LRP1B: variants seen among roughly 807,000 people sequenced by gnomAD.
LRP1B encodes the protein LDL receptor related protein 1B.
LRP1B carries 217 observed loss-of-function variants against 556.6 expected under a neutral mutation model. That is an observed-to-expected ratio of 0.39 (90% CI 0.35 to 0.44). The LOEUF (loss-of-function observed/expected upper bound fraction) is 0.44, where lower values mean the gene tolerates loss of function less well. Ranked by LOEUF, LRP1B falls within the 20% of genes least tolerant of loss-of-function variation. The pLI, the probability that LRP1B is intolerant of heterozygous loss-of-function variation, is 1.00. For synonymous variants in LRP1B, 2,047 were observed against 1,865.8 expected (o/e 1.10, Z -2.50); for missense variants, 5,053 against 5,620.8 (o/e 0.90, Z 3.23).
intron 57 of LRP1B, among the ~76,000 whole-genome samples, chr2:140,491,895 G>A (rs942747418): frequency 6.6e-6 from 1 of 152,146 alleles, no homozygotes; most frequent in African/African-American, 2.4e-5. Flanking sequence ...GGCTATTCAG[G>A]ATAAGGCGAG....
intron 1 of LRP1B, among the ~76,000 whole-genome samples, chr2:141,941,893 A>G (rs1028912179): frequency 6.6e-6 from 1 of 152,210 alleles, no homozygotes; most frequent in African/African-American, 2.4e-5. Flanking sequence ...GTACCGTATA[A>G]GATTCAGAGC....
intron 1 of LRP1B, among the ~76,000 whole-genome samples, chr2:142,129,584 TTC>T (rs56034357): frequency 0.042 from 5,626 of 134,414 alleles, 134 homozygotes; most frequent in South Asian, 0.049. Flanking sequence ...CTTTCTCTCT[TTC>T]TCTCTCTCTC....
chr2:141,323,631 C>T lies in LRP1B; in HGVS notation c.344-68990G>A, dbSNP rs193166064. The stretch of plus-strand genomic sequence containing the variant: ...AAATCCTTTTTTATCACTAAATTCA[C>T]GGGTCATTTATGTAGACTCAAGAGG... On this transcript the variant is annotated intron_variant, in intron 3 of 90. Transcript: ENST00000389484. 5.3e-5 allele frequency among the ~76,000 whole-genome samples: 8 copies of T among 152,032 alleles called. No individual in the cohort carries two copies. The East Asian group carries it at 5.8e-4, about 11-fold the overall frequency.
chr2:140,301,847 T>C (rs771158438), intron 83 of LRP1B, among the ~76,000 whole-genome samples: 2 of 151,786 alleles, frequency 1.3e-5, no homozygotes, highest in Non-Finnish European at 2.9e-5. Context: ...ATATGTATAC[T>C]AATATATGAA....
At chr2:141,494,857 G>A (rs946814343) in intron 2 of LRP1B, among the ~76,000 whole-genome samples, 4 of 148,322 alleles carry the variant, frequency 2.7e-5, no homozygotes, top group Non-Finnish European at 3.0e-5. Context: ...CACACACAGA[G>A]TTGTAGCATT....
chr2:142,059,035 T>C (rs919942091), intron 1 of LRP1B, among the ~76,000 whole-genome samples: 4 of 152,150 alleles, frequency 2.6e-5, no homozygotes, highest in African/African-American at 4.8e-5. Flanking sequence ...ATTTATTCTT[T>C]GGACTACTGC....
intron 3 of LRP1B, among the ~76,000 whole-genome samples, chr2:141,435,878 G>C (rs1680745929): frequency 6.6e-6 from 1 of 152,162 alleles, no homozygotes; most frequent in African/African-American, 2.4e-5. Flanking sequence ...CATGGGCCTG[G>C]GTGGGAGGAG....
At chr2:140,689,066 A>C (rs972791767) in intron 41 of LRP1B, among the ~76,000 whole-genome samples, 1 of 152,272 alleles carries the variant, frequency 6.6e-6, no homozygotes. Flanking sequence ...GAATTAAAAT[A>C]AAACATATTT....
intron 1 of LRP1B, among the ~76,000 whole-genome samples, chr2:141,865,977 C>G (rs1455366022): frequency 6.6e-6 from 1 of 152,144 alleles, no homozygotes; most frequent in Non-Finnish European, 1.5e-5. Context: ...CAAAACTTTC[C>G]CATTTTAGCT....
intron 3 of LRP1B, among the ~76,000 whole-genome samples, chr2:141,353,416 T>C (rs750542703): frequency 6.6e-6 from 1 of 152,016 alleles, no homozygotes; most frequent in Non-Finnish European, 1.5e-5. Context: ...TATCAAACTC[T>C]GAAATTCTGG....
chr2:140,494,850 T>C (rs1301101938), intron 56 of LRP1B, among the ~76,000 whole-genome samples: 1 of 151,736 alleles, frequency 6.6e-6, no homozygotes, highest in Non-Finnish European at 1.5e-5. Context: ...ACATCTATTA[T>C]ATAAGAAACT....
chr2:141,090,954 G>T (rs7563991), intron 7 of LRP1B, among the ~76,000 whole-genome samples: 55,058 of 151,616 alleles, frequency 0.36, 10,338 homozygotes, highest in East Asian at 0.67. Flanking sequence ...TATTTCTAGT[G>T]TTTTCAATTG....
chr2:141,018,052 A>C (rs1167938504), intron 12 of LRP1B, among the ~76,000 whole-genome samples: 1 of 151,952 alleles, frequency 6.6e-6, no homozygotes, highest in African/African-American at 2.4e-5. Flanking sequence ...AGTACCAAAC[A>C]ATGAGAATTC....
intron 2 of LRP1B, among the ~76,000 whole-genome samples, chr2:141,776,647 T>C (rs1333146371): frequency 1.3e-5 from 2 of 152,180 alleles, no homozygotes; most frequent in African/African-American, 2.4e-5. Flanking sequence ...TGTTTGAACT[T>C]TGGGCATCAG....
In LRP1B at chr2:141,822,130, C is replaced by CAGAGAGAGAGAGAGAG. The variant is rs1553469382; in HGVS notation, c.83-11745_83-11730dup. On this transcript the variant is annotated intron_variant, in intron 1 of 90. Transcript: ENST00000389484. ...ACACACACACACACACACACACACACAGAGAGAGAGAGAGAGAGAGAGAGA... is the reference window on the plus strand; with the variant it reads ...ACACACACACACACACACACACACACAGAGAGAGAGAGAGAGAGAGAGAGAGAGAGAGAGAGAGAGA... 2.1e-3 allele frequency among the ~76,000 whole-genome samples: 206 copies of CAGAGAGAGAGAGAGAG among 95,850 alleles called. 1 individual carries two copies. The highest frequency in any genetic ancestry group is 7.0e-3 in the African/African-American group (156 of 22,396). 62.9% of individuals were successfully genotyped at this position (95,850 alleles called of 152,430 possible). A position where few individuals can be genotyped will look rare whatever the true frequency, so the allele number is the denominator to read the frequency against.
intron 1 of LRP1B, among the ~76,000 whole-genome samples, chr2:141,940,904 T>C (rs1700777756): frequency 1.3e-5 from 2 of 152,180 alleles, no homozygotes; most frequent in Admixed American, 1.3e-4. Flanking sequence ...TGAAGTTACT[T>C]ACCCAACGTC....
At chr2:141,209,438 G>A (rs1168706847) in intron 6 of LRP1B, among the ~76,000 whole-genome samples, 1 of 152,172 alleles carries the variant, frequency 6.6e-6, no homozygotes, top group Non-Finnish European at 1.5e-5. Flanking sequence ...CGAGCTGTGA[G>A]TCAATTAAAT....
At position 141,475,416 on chromosome 2, in the gene LRP1B, A is replaced by T. The variant is rs141556273; in HGVS notation, c.343+4980T>A. On this transcript the variant is annotated intron_variant, in intron 3 of 90. Coordinates refer to ENST00000389484, the MANE Select transcript of LRP1B (RefSeq NM_018557.3). Reference sequence around the variant, plus strand: ...GCACTACAAATGTAATCTAACAGGGATGTGAATAAAAACAAGGCTTCTCTT... The same window carrying T: ...GCACTACAAATGTAATCTAACAGGGTTGTGAATAAAAACAAGGCTTCTCTT... Among the ~76,000 whole-genome samples, 11 of 152,274 alleles carry T rather than the reference A, an allele frequency of 7.2e-5. No homozygotes were observed. The East Asian group carries it at 1.9e-3, about 27-fold the overall frequency.
intron 15 of LRP1B, among the ~76,000 whole-genome samples, chr2:141,000,914 C>CCTATAT (rs60620211): frequency 0.99 from 149,925 of 151,720 alleles, 74,108 homozygotes; most frequent in Middle Eastern, 1. Context: ...CAATATCTTT[C>CCTATAT]CTATATCAAT....
Sources: allele counts gnomAD v4.1 joint callset (sites outside exome capture counted in the v4.1 genomes callset), GRCh38; gene constraint gnomAD v4.1.1; transcripts MANE v1.5; gene names NCBI Gene and HGNC (gene_info 2026-07-23, HGNC 2026-07-21).